The following PRICKLE2 variants were observed in gnomAD, a reference collection of about 807,000 sequenced individuals.
PRICKLE2 encodes prickle-like protein 2.
In PRICKLE2, 21 loss-of-function variants were observed where a neutral mutation model predicts 81.4. That is an observed-to-expected ratio of 0.26 (90% CI 0.18 to 0.37). PRICKLE2 has a LOEUF of 0.37. PRICKLE2 is among the 10% of genes least tolerant of loss of function. PRICKLE2 has a pLI of 1.00. For synonymous variants in PRICKLE2, 456 were observed against 421.5 expected (o/e 1.08, Z -1.00); for missense variants, 940 against 1,109.0 (o/e 0.85, Z 2.16).
chr3:64,197,283 G>A (rs182498445), intron 2 of PRICKLE2, among the ~76,000 whole-genome samples: 33 of 152,248 alleles, frequency 2.2e-4, no homozygotes, highest in African/African-American at 7.2e-4. Flanking sequence ...ACCAGTAATG[G>A]GATTGCTGGG....
intron 6 of PRICKLE2, among the ~76,000 whole-genome samples, chr3:64,148,142 C>A (rs1433415399): frequency 6.6e-6 from 1 of 152,172 alleles, no homozygotes; most frequent in Admixed American, 6.5e-5. Flanking sequence ...AGTAACTTGG[C>A]AGGGTAACAT....
intron 1 of PRICKLE2, among the ~76,000 whole-genome samples, chr3:64,222,406 T>C (rs1048380624): frequency 1.3e-5 from 2 of 152,238 alleles, no homozygotes; most frequent in African/African-American, 4.8e-5. Flanking sequence ...TTCACTTTTG[T>C]CTTTCAGATC....
intron 7 of PRICKLE2, among the ~76,000 whole-genome samples, chr3:64,140,850 A>T: frequency 6.6e-6 from 1 of 152,122 alleles, no homozygotes; most frequent in South Asian, 2.1e-4. Flanking sequence ...ACAAATCAAC[A>T]AGCCAGCTGT....
At chr3:64,100,397 T>C (rs1375739193) in intron 7 of PRICKLE2, 17 of 164,982 alleles carry the variant, frequency 1.0e-4, no homozygotes, top group Non-Finnish European at 1.5e-4. Context: ...TTCCACAATA[T>C]TGGGCCAGTT....
Position 64,163,438 on chromosome 3 carries a change from G to A in PRICKLE2, c.145-309C>T, listed in dbSNP as rs927667188. On this transcript the variant is annotated intron_variant, in intron 2 of 7. Coordinates refer to ENST00000638394, the MANE Select transcript of PRICKLE2 (RefSeq NM_198859.4). Reference sequence around the variant, plus strand: ...GTGAACCAGAGGGTAGGGCTTTCTCGGCAGACTCCCCTGAGAGCTGGCTTT... The same window carrying A: ...GTGAACCAGAGGGTAGGGCTTTCTCAGCAGACTCCCCTGAGAGCTGGCTTT... 24 of 440,462 alleles carry A rather than the reference G, an allele frequency of 5.4e-5. No homozygotes were observed. The East Asian group carries it at 9.4e-4, about 17-fold the overall frequency. 27.3% of individuals were successfully genotyped at this position (440,462 alleles called of 1,614,324 possible). A position where few individuals can be genotyped will look rare whatever the true frequency, so the allele number is the denominator to read the frequency against.
chr3:64,207,694 G>A (rs146137879), intron 1 of PRICKLE2, among the ~76,000 whole-genome samples: 152 of 152,116 alleles, frequency 1.0e-3, no homozygotes, highest in Admixed American at 1.8e-3. Context: ...ATATACTTAC[G>A]GGTATCACAG....
chr3:64,146,733 A>G, intron 7 of PRICKLE2, 97 bp downstream of exon 7: 3 of 1,342,274 alleles, frequency 2.2e-6, no homozygotes, highest in Non-Finnish European at 3.1e-6. Flanking sequence ...ACAGAGCGAG[A>G]CTCCATTTCA....
chr3:64,248,005 C>CTGGG (rs2079384634), intron 2 of PRICKLE2, among the ~76,000 whole-genome samples: 1 of 152,138 alleles, frequency 6.6e-6, no homozygotes. Flanking sequence ...GCACCTCAAT[C>CTGGG]CACAAAACGT....
chr3:64,155,846 G>C (rs565525160), intron 5 of PRICKLE2, among the ~76,000 whole-genome samples: 4 of 152,172 alleles, frequency 2.6e-5, no homozygotes, highest in Non-Finnish European at 4.4e-5. Context: ...AAATAGATTA[G>C]AAGTTGCCAG....
rs1383330967 is a variant in PRICKLE2 at position 64,092,249 on chromosome 3, T to G, written c.*6802A>C. Reference sequence around the variant, plus strand: ...GAACAGGCACAATTGCCATTTCCAGTTCAAGTTTTTATTCAAAAGCTCTTA... The same window carrying G: ...GAACAGGCACAATTGCCATTTCCAGGTCAAGTTTTTATTCAAAAGCTCTTA... On this transcript the variant is annotated 3_prime_UTR_variant, in exon 8 of 8. Coordinates refer to ENST00000638394, the MANE Select transcript of PRICKLE2 (RefSeq NM_198859.4). The G allele has an allele frequency of 6.6e-6, 1 of 152,238 alleles. No individual in the cohort carries two copies. The highest frequency in any genetic ancestry group is 2.4e-5 in the African/African-American group (1 of 41,462). The allele number at this position is 152,238 out of a possible 1,614,324, so 9.4% of individuals were successfully genotyped here.
At chr3:64,178,715 C>G (rs955178135) in intron 2 of PRICKLE2, among the ~76,000 whole-genome samples, 3 of 152,190 alleles carry the variant, frequency 2.0e-5, no homozygotes, top group African/African-American at 7.2e-5. Flanking sequence ...ACAGCAAACA[C>G]TGAATTTCTG....
chr3:64,244,913 C>A (rs1013492472), intron 2 of PRICKLE2, among the ~76,000 whole-genome samples: 2 of 152,102 alleles, frequency 1.3e-5, no homozygotes, highest in South Asian at 4.2e-4. Context: ...ATGAATATAC[C>A]CCGAATATTT....
chr3:64,151,131 C>T (rs564325922), intron 6 of PRICKLE2, among the ~76,000 whole-genome samples: 187 of 152,288 alleles, frequency 1.2e-3, no homozygotes, highest in African/African-American at 4.0e-3. Context: ...CTGCTCTGAG[C>T]GGCTGTATAA....
At position 64,093,668 on chromosome 3, in the gene PRICKLE2, C is replaced by G. The variant is rs1023083541; in HGVS notation, c.*5383G>C. 2 of 152,188 alleles carry G rather than the reference C, an allele frequency of 1.3e-5. No individual in the cohort carries two copies. Among genetic ancestry groups the G allele is most frequent in the African/African-American group, 4.8e-5 (2 of 41,440 alleles). The allele number at this position is 152,188 out of a possible 1,614,324, so 9.4% of individuals were successfully genotyped here. On this transcript the variant is annotated 3_prime_UTR_variant, in exon 8 of 8. Transcript: ENST00000638394. ...ATCCTACAATGCACAGGACAGCCCT[C>G]TGCAACCGAGAATTAACTAGCACAA...
chr3:64,165,096 T>C (rs1002941656), intron 2 of PRICKLE2, among the ~76,000 whole-genome samples: 1 of 152,200 alleles, frequency 6.6e-6, no homozygotes, highest in African/African-American at 2.4e-5. Flanking sequence ...TAATATGAGA[T>C]GAATTACTAT....
chr3:64,147,832 A>T lies in PRICKLE2; in HGVS notation c.788-130T>A. 1.1e-6 allele frequency: 1 copy of T among 937,938 alleles called. No homozygotes were observed. Among genetic ancestry groups the T allele is most frequent in the East Asian group, 2.5e-5 (1 of 39,416 alleles). 58.1% of individuals were successfully genotyped at this position (937,938 alleles called of 1,614,324 possible). On this transcript the variant is annotated intron_variant, in intron 6 of 7. Coordinates refer to ENST00000638394, the MANE Select transcript of PRICKLE2 (RefSeq NM_198859.4). The surrounding 1 kb of genome is among the most constrained non-coding windows in gnomAD (Gnocchi z 5.0). ...CAGGATAAACTGTCAATAAATCAAC[A>T]ATCAGACCCTTATGTAAATGGTATT...
At chr3:64,125,375 C>T (rs1348103099) in intron 7 of PRICKLE2, among the ~76,000 whole-genome samples, 1 of 152,142 alleles carries the variant, frequency 6.6e-6, no homozygotes, top group Non-Finnish European at 1.5e-5. Context: ...AGGATTGAGT[C>T]CAATTTTGTA....
intron 7 of PRICKLE2, among the ~76,000 whole-genome samples, chr3:64,128,335 A>G (rs2077143082): frequency 6.6e-6 from 1 of 152,248 alleles, no homozygotes; most frequent in African/African-American, 2.4e-5. Flanking sequence ...AGCTGTTAAC[A>G]GGATGCAGTG....
chr3:64,224,877 T>C (rs1176952552), intron 1 of PRICKLE2, 33 bp downstream of exon 1: 4 of 979,418 alleles, frequency 4.1e-6, no homozygotes, highest in Non-Finnish European at 4.9e-6. Context: ...TACTGCTGTT[T>C]AATTTGTGAA....
Sources: gnomAD v4.1 joint callset for allele counts (sites outside exome capture counted in the v4.1 genomes callset) on GRCh38, gnomAD v4.1.1 for gene constraint, Gnocchi (gnomAD v3.1) non-coding constraint, MANE v1.5 for transcripts, NCBI Gene and HGNC (gene_info 2026-07-23, HGNC 2026-07-21) for gene names.